SDCCAG8: variants seen among roughly 807,000 people sequenced by gnomAD.
SDCCAG8 encodes serologically defined colon cancer antigen 8.
SDCCAG8 carries 74 observed loss-of-function variants against 101.8 expected under a neutral mutation model. The ratio of observed to expected loss-of-function variants is 0.73; its 90% CI spans 0.60 to 0.88. SDCCAG8 has a LOEUF of 0.88. SDCCAG8 is among the 40% of genes least tolerant of loss of function. The pLI is 0.00. For synonymous variants in SDCCAG8, 281 were observed against 292.9 expected, an observed-to-expected ratio of 0.96 and a Z score of 0.41; for missense variants, 787 against 822.6, an observed-to-expected ratio of 0.96 and a Z score of 0.53.
intron 13 of SDCCAG8, among the ~76,000 whole-genome samples, chr1:243,388,214 G>A (rs2078440826): frequency 1.3e-5 from 2 of 152,078 alleles, no homozygotes; most frequent in Admixed American, 6.5e-5. Context: ...TCCAGAACAG[G>A]GCTCAATTTC....
chr1:243,266,530 G>A (rs187372684), intron 1 of SDCCAG8, among the ~76,000 whole-genome samples: 2 of 151,632 alleles, frequency 1.3e-5, no homozygotes, highest in South Asian at 4.2e-4. Flanking sequence ...ACGTTGTTCA[G>A]GCTGGTCTTG....
chr1:243,324,336 C>G (rs758510716), intron 9 of SDCCAG8, among the ~76,000 whole-genome samples: 1 of 152,032 alleles, frequency 6.6e-6, no homozygotes, highest in Non-Finnish European at 1.5e-5. Flanking sequence ...TATGCTTGCT[C>G]TTGACATTCC....
chr1:243,419,643 TTAAA>T (rs1212196863), intron 15 of SDCCAG8, among the ~76,000 whole-genome samples: 1 of 152,174 alleles, frequency 6.6e-6, no homozygotes, highest in Non-Finnish European at 1.5e-5. Flanking sequence ...CCAAAACTGT[TTAAA>T]TAACTGGTGA....
intron 16 of SDCCAG8, among the ~76,000 whole-genome samples, chr1:243,455,777 A>C (rs1051168987): frequency 1.3e-5 from 2 of 152,258 alleles, no homozygotes; most frequent in African/African-American, 4.8e-5. Flanking sequence ...TCACTTAGCA[A>C]CATAATTCAT....
At chr1:243,271,838 C>T (rs2068115668) in intron 3 of SDCCAG8, among the ~76,000 whole-genome samples, 1 of 152,146 alleles carries the variant, frequency 6.6e-6, no homozygotes, top group Non-Finnish European at 1.5e-5. Context: ...GCCACCGCGC[C>T]TGGCCTCAAA....
chr1:243,475,322 G>A (rs187650186), intron 16 of SDCCAG8, among the ~76,000 whole-genome samples: 22 of 152,284 alleles, frequency 1.4e-4, no homozygotes, highest in Non-Finnish European at 2.4e-4. Context: ...AGGGGTTTCC[G>A]AGTCTACCCA....
chr1:243,430,186 A>G (rs2081628500), intron 16 of SDCCAG8, among the ~76,000 whole-genome samples: 1 of 152,156 alleles, frequency 6.6e-6, no homozygotes, highest in Non-Finnish European at 1.5e-5. Flanking sequence ...TGACATTTGA[A>G]TCGGTAAGCA....
At chr1:243,347,150 C>T (rs1288128560) in intron 12 of SDCCAG8, among the ~76,000 whole-genome samples, 4 of 152,142 alleles carry the variant, frequency 2.6e-5, no homozygotes, top group South Asian at 4.1e-4. Context: ...GTTTTTTCTG[C>T]TCCACCTTCT....
chr1:243,414,090 A>G (rs1161448379), intron 13 of SDCCAG8, among the ~76,000 whole-genome samples: 2 of 152,228 alleles, frequency 1.3e-5, no homozygotes, highest in Non-Finnish European at 2.9e-5. Context: ...CAGACATGTT[A>G]AACAATAACT....
intron 13 of SDCCAG8, among the ~76,000 whole-genome samples, chr1:243,406,202 C>T (rs2079775545): frequency 6.6e-6 from 1 of 152,100 alleles, no homozygotes; most frequent in Non-Finnish European, 1.5e-5. Flanking sequence ...GATACAAAGG[C>T]AAAATCATGA....
rs1573445316 is a variant in SDCCAG8 at position 243,344,251 on chromosome 1, A to G, written c.1393A>G (p.Asn465Asp). The G allele has an allele frequency of 6.2e-7, 1 of 1,614,052 alleles. No homozygotes were observed. ...AATGCGCTATCAGCTGAATAAAACCAACATGGAGAAGGATGAGGCAGAAAA... is the reference window on the plus strand; with the variant it reads ...AATGCGCTATCAGCTGAATAAAACCGACATGGAGAAGGATGAGGCAGAAAA... Reference protein sequence around the residue: ...GEMRYQLNKTNMEKDEAEKEH... With the variant: ...GEMRYQLNKTDMEKDEAEKEH... Residue 465 changes from asparagine (N) to aspartate (D), a missense_variant, in exon 12 of 18, where the codon AAC becomes GAC. Coordinates refer to ENST00000366541, the MANE Select transcript of SDCCAG8 (RefSeq NM_006642.5).
At position 243,308,063 on chromosome 1, in the gene SDCCAG8, C is replaced by A. The variant is rs760305679; in HGVS notation, c.815C>A (p.Ala272Asp). 2 of 1,614,126 alleles carry A rather than the reference C, an allele frequency of 1.2e-6. No individual in the cohort carries two copies. Among genetic ancestry groups the A allele is most frequent in the Non-Finnish European group, 1.7e-6 (2 of 1,179,972 alleles). Residue 272 changes from alanine to aspartate, a missense_variant, in exon 8 of 18, where the codon GCT becomes GAT. Physicochemically the swap from Ala to Asp is moderately radical, Grantham distance 126. Transcript: ENST00000366541. ...EQLKHKEFLLAANTCNRVGGL... is the reference protein window; with the variant it reads ...EQLKHKEFLLDANTCNRVGGL... ...CTAAAGCATAAAGAATTTCTTCTGG[C>A]TGCTAATACTTGTAACCGTGTTGGT...
rs1470242090 is a variant in SDCCAG8, at chr1:243,277,730, G to T, written c.420+3074G>T. 2.0e-5 allele frequency among the ~76,000 whole-genome samples: 3 copies of T among 151,952 alleles called. No individual in the cohort carries two copies. The East Asian group carries it at 5.8e-4, about 29-fold the overall frequency. ...TTTAAAAATTTATTACCAAATCCAGGTTCACTATATTTTCTCCTTTCTTCT... is the reference window on the plus strand; with the variant it reads ...TTTAAAAATTTATTACCAAATCCAGTTTCACTATATTTTCTCCTTTCTTCT... On this transcript the variant is annotated intron_variant, in intron 4 of 17. Transcript: ENST00000366541.
At chr1:243,263,073 A>G (rs1428577084) in intron 1 of SDCCAG8, among the ~76,000 whole-genome samples, 2 of 152,214 alleles carry the variant, frequency 1.3e-5, no homozygotes, top group Non-Finnish European at 2.9e-5. Flanking sequence ...CCTGTGGCAG[A>G]ATAGCTCACT....
At chr1:243,484,938 G>A (rs1469589637) in intron 16 of SDCCAG8, among the ~76,000 whole-genome samples, 5 of 152,052 alleles carry the variant, frequency 3.3e-5, no homozygotes, top group Non-Finnish European at 7.4e-5. Flanking sequence ...CAGCTACCTG[G>A]GAGGCTGAGG....
chr1:243,421,742 T>C (rs886932687), intron 15 of SDCCAG8, among the ~76,000 whole-genome samples: 2 of 152,222 alleles, frequency 1.3e-5, no homozygotes, highest in African/African-American at 2.4e-5. Flanking sequence ...GCAGACATTC[T>C]GGCTGATTTT....
intron 4 of SDCCAG8, among the ~76,000 whole-genome samples, chr1:243,284,144 C>T (rs2069352406): frequency 6.6e-6 from 1 of 152,214 alleles, no homozygotes; most frequent in Non-Finnish European, 1.5e-5. Flanking sequence ...AACTGTGTTT[C>T]AGTCTTTTAG....
intron 7 of SDCCAG8, chr1:243,306,610 A>G (rs1345615838): frequency 6.6e-6 from 1 of 152,004 alleles, no homozygotes; most frequent in Admixed American, 6.6e-5. Context: ...GAGTGTTTTG[A>G]GTTTGGAGCT....
rs1310931706 is a variant in SDCCAG8, at chr1:243,328,723, A to G, written c.1069-1817A>G. Among the ~76,000 whole-genome samples, 3 of 152,226 alleles carry G rather than the reference A, an allele frequency of 2.0e-5. No homozygotes were observed. The East Asian group carries it at 5.8e-4, about 29-fold the overall frequency. On this transcript the variant is annotated intron_variant, in intron 9 of 17. Coordinates refer to ENST00000366541, the MANE Select transcript of SDCCAG8 (RefSeq NM_006642.5). ...AGTGGTTTTGTTTACATGATTTTAC[A>G]GCTTCTCACTTTGTGCTTTTCACTG...
Sources: allele counts gnomAD v4.1 joint callset (sites outside exome capture counted in the v4.1 genomes callset), GRCh38; gene constraint gnomAD v4.1.1; transcripts MANE v1.5; gene names NCBI Gene and HGNC (gene_info 2026-07-23, HGNC 2026-07-21).